The following TOP2B variants were observed in gnomAD, a reference collection of about 807,000 sequenced individuals.
TOP2B encodes the protein DNA topoisomerase II beta, also known as DNA topoisomerase 2-beta.
TOP2B carries 51 observed loss-of-function variants against 193.5 expected under a neutral mutation model. The ratio of observed to expected loss-of-function variants is 0.26; its 90% CI spans 0.21 to 0.33. The LOEUF is 0.33. TOP2B is among the 10% of genes least tolerant of loss of function. The pLI is 1.00. For missense variants in TOP2B, 1,378 were observed against 1,909.3 expected (o/e 0.72, Z 5.19); for synonymous variants, 634 against 635.7 (o/e 1.00, Z 0.04).
chr3:25,607,224 C>T lies in TOP2B; in HGVS notation c.4245G>A (p.Gly1415=), dbSNP rs1702257141. The T allele has an allele frequency of 6.3e-7, 1 of 1,598,126 alleles. No individual in the cohort carries two copies. Among genetic ancestry groups the T allele is most frequent in the African/African-American group, 1.3e-5 (1 of 74,430 alleles). The change falls in exon 31 of 36, where the codon GGG becomes GGA. Residue 1415 remains glycine, a synonymous_variant. Coordinates refer to ENST00000264331, the MANE Select transcript of TOP2B (RefSeq NM_001330700.2). ...AAAATGTATATTCATCTTTATCTAACCCATCTGAAGGAACAAATTCATCTT... is the reference window on the plus strand; with the variant it reads ...AAAATGTATATTCATCTTTATCTAATCCATCTGAAGGAACAAATTCATCTT... ...DGEDEFVPSD[G]LDKDEYTFSP...
At chr3:25,607,103 C>T (rs985191449) in intron 31 of TOP2B, 68 bp downstream of exon 31, 2 of 1,551,654 alleles carry the variant, frequency 1.3e-6, no homozygotes, top group African/African-American at 2.7e-5. Context: ...TAGAAGAGCT[C>T]ACTATAATAT....
Position 25,618,463 on chromosome 3 carries a change from A to G in TOP2B, c.3306T>C (p.Gly1102=). The G allele has an allele frequency of 6.2e-7, 1 of 1,613,036 alleles. No homozygotes were observed. The highest frequency in any genetic ancestry group is 2.2e-5 in the East Asian group (1 of 44,844). The change falls in exon 25 of 36, where the codon GGT becomes GGC. Residue 1102 remains glycine, a synonymous_variant. Coordinates refer to ENST00000264331, the MANE Select transcript of TOP2B (RefSeq NM_001330700.2). ...AGGCTTTCACTGGGTCAGATTCATA[A>G]CCTCTCTGGACTAACATTTGAATCA... ...KDLIQMLVQR[G]YESDPVKAWK...
At chr3:25,660,346 G>C (rs929587368) in intron 1 of TOP2B, among the ~76,000 whole-genome samples, 1 of 152,124 alleles carries the variant, frequency 6.6e-6, no homozygotes, top group Non-Finnish European at 1.5e-5. Context: ...TCTAACTTCA[G>C]AAATTTGTAA....
At chr3:25,658,821 G>A (rs1703825260) in intron 1 of TOP2B, among the ~76,000 whole-genome samples, 1 of 152,060 alleles carries the variant, frequency 6.6e-6, no homozygotes, top group Non-Finnish European at 1.5e-5. Context: ...TTTTCAGAAC[G>A]ACTATACACC....
At chr3:25,617,165 A>C (rs992248189) in intron 25 of TOP2B, among the ~76,000 whole-genome samples, 2 of 152,120 alleles carry the variant, frequency 1.3e-5, no homozygotes, top group African/African-American at 4.8e-5. Flanking sequence ...GACACTGTAG[A>C]AATCTTTATC....
At chr3:25,610,643 G>C (rs917846944) in intron 28 of TOP2B, among the ~76,000 whole-genome samples, 2 of 152,198 alleles carry the variant, frequency 1.3e-5, no homozygotes, top group African/African-American at 4.8e-5. Flanking sequence ...AGGCATACAG[G>C]TGCTAACACT....
At chr3:25,644,125 G>A (rs1703345558) in intron 2 of TOP2B, among the ~76,000 whole-genome samples, 1 of 150,370 alleles carries the variant, frequency 6.7e-6, no homozygotes, top group Non-Finnish European at 1.5e-5. Flanking sequence ...TATAATACAG[G>A]GAGCAGAGTA....
At chr3:25,654,189 T>C (rs993883400) in intron 1 of TOP2B, among the ~76,000 whole-genome samples, 8 of 152,302 alleles carry the variant, frequency 5.3e-5, no homozygotes, top group South Asian at 2.1e-4. Context: ...CATAATCTTA[T>C]AGTAGATAAC....
At chr3:25,629,243 T>C (rs1222267911) in intron 13 of TOP2B, 98 bp from the exon 14 acceptor site, 2 of 836,946 alleles carry the variant, frequency 2.4e-6, no homozygotes, top group African/African-American at 1.8e-5. Flanking sequence ...AAAACCAAAA[T>C]TCTGAATTTT....
intron 30 of TOP2B, among the ~76,000 whole-genome samples, chr3:25,608,686 T>C (rs1702295030): frequency 1.3e-5 from 2 of 152,198 alleles, no homozygotes; most frequent in African/African-American, 2.4e-5. Flanking sequence ...TTAATGAAAA[T>C]TCAGAAAGGA....
chr3:25,624,506 C>T, intron 19 of TOP2B, 61 bp from the exon 20 acceptor site: 1 of 1,566,376 alleles, frequency 6.4e-7, no homozygotes, highest in Non-Finnish European at 8.6e-7. Context: ...TAATTACTCC[C>T]CAACTTGAAT....
Position 25,633,823 on chromosome 3 carries a change from A to G in TOP2B, c.1026+18T>C. 1 of 1,595,496 alleles carries G rather than the reference A, an allele frequency of 6.3e-7. No homozygotes were observed. The highest frequency in any genetic ancestry group is 1.1e-5 in the South Asian group (1 of 88,122). ...CTGTTCTACCACTGACTTGGAAACA[A>G]ATAATTTGCTTACTTACTTTTGTAG... is the stretch of plus-strand genomic sequence containing the variant. On this transcript the variant is annotated intron_variant, in intron 8 of 35. Transcript: ENST00000264331.
At chr3:25,652,681 T>C in intron 1 of TOP2B, among the ~76,000 whole-genome samples, 1 of 152,106 alleles carries the variant, frequency 6.6e-6, no homozygotes, top group Middle Eastern at 3.2e-3. Context: ...AAAACAGTAT[T>C]ACACCTAACA....
intron 21 of TOP2B, 105 bp from the exon 22 acceptor site, chr3:25,620,921 A>C: frequency 5.6e-6 from 7 of 1,239,832 alleles, no homozygotes; most frequent in African/African-American, 3.0e-5. Context: ...AGAATTTCTC[A>C]TCCTCAATTG....
intron 34 of TOP2B, among the ~76,000 whole-genome samples, chr3:25,599,878 AT>A (rs992308362): frequency 6.6e-6 from 1 of 152,124 alleles, no homozygotes; most frequent in South Asian, 2.1e-4. Context: ...GGATTTAAAT[AT>A]TTTTTTTCAT....
intron 4 of TOP2B, among the ~76,000 whole-genome samples, chr3:25,641,648 C>A (rs1452479447): frequency 6.6e-6 from 1 of 151,912 alleles, no homozygotes; most frequent in Admixed American, 6.6e-5. Context: ...TACTACTAAT[C>A]TTAACTGAAA....
Position 25,615,479 on chromosome 3 carries a change from A to G in TOP2B, c.3459T>C (p.Ser1153=), listed in dbSNP as rs1702479709. ...GTTCTTCAACTTTTTCTTTAGTAAG[A>G]GACCACAGAGACATATTTAAAATAT... ...FNYILNMSLW[S]LTKEKVEELI... is the part of the protein sequence containing the mutation. The change falls in exon 26 of 36, where the codon TCT becomes TCC. Residue 1153 remains serine (S), a synonymous_variant. Transcript: ENST00000264331. 3 of 1,572,638 alleles carry G rather than the reference A, an allele frequency of 1.9e-6. No individual in the cohort carries two copies. In the East Asian group the frequency reaches 6.9e-5, roughly 36 times the overall value.
Position 25,598,291 on chromosome 3 carries a change from T to A in TOP2B, c.*16A>T, listed in dbSNP as rs1467247828. On this transcript the variant is annotated 3_prime_UTR_variant, in exon 36 of 36. Transcript: ENST00000264331. ...CACAAGATATTTGTTGAAAAATGTTTGTGCTCTTTGGGCACTTAATTAAAC... is the reference window on the plus strand; with the variant it reads ...CACAAGATATTTGTTGAAAAATGTTAGTGCTCTTTGGGCACTTAATTAAAC... The A allele has an allele frequency of 2.8e-5, 44 of 1,588,336 alleles. No homozygotes were observed. Among genetic ancestry groups the A allele is most frequent in the Non-Finnish European group, 3.8e-5 (44 of 1,164,320 alleles).
chr3:25,624,137 A>C (rs1409745601), intron 20 of TOP2B, among the ~76,000 whole-genome samples, 160 bp downstream of exon 20: 1 of 152,248 alleles, frequency 6.6e-6, no homozygotes, highest in East Asian at 1.9e-4. Flanking sequence ...TAAGGTCAAC[A>C]GACTTCATTC....
Sources: allele counts gnomAD v4.1 joint callset (sites outside exome capture counted in the v4.1 genomes callset), GRCh38; gene constraint gnomAD v4.1.1; transcripts MANE v1.5; gene names NCBI Gene and HGNC (gene_info 2026-07-23, HGNC 2026-07-21).